MAST2: variants seen among roughly 807,000 people sequenced by gnomAD.
MAST2 encodes the protein microtubule associated serine/threonine kinase 2.
A neutral mutation model predicts 147.4 loss-of-function variants in MAST2; 70 were observed. The ratio of observed to expected loss-of-function variants is 0.47; its 90% confidence interval spans 0.39 to 0.58. The LOEUF is 0.58. MAST2 is among the 20% of genes least tolerant of loss of function. MAST2 has a pLI of 0.00. For missense variants in MAST2, 2,080 were observed against 2,302.3 expected, an observed-to-expected ratio of 0.90 and a Z score of 1.98; for synonymous variants, 869 against 896.8, an observed-to-expected ratio of 0.97 and a Z score of 0.55.
At chr1:45,970,667 CAAAAAA>C (rs754544108) in intron 5 of MAST2, among the ~76,000 whole-genome samples, 7 of 72,398 alleles carry the variant, frequency 9.7e-5, no homozygotes, top group African/African-American at 4.1e-4. Flanking sequence ...GACTCTGTCT[CAAAAAA>C]AAAAAAAAAA....
At chr1:45,938,746 TA>T (rs1300519925) in intron 4 of MAST2, among the ~76,000 whole-genome samples, 1 of 152,258 alleles carries the variant, frequency 6.6e-6, no homozygotes, top group Non-Finnish European at 1.5e-5. Flanking sequence ...TTCTTGATTT[TA>T]ACCATTCTAG....
rs372014407 is a variant in MAST2, at chr1:45,923,445, T to A, written c.501-35941T>A. Among the ~76,000 whole-genome samples, 87 of 152,324 alleles carry A rather than the reference T, an allele frequency of 5.7e-4. 3 individuals carry two copies. In the South Asian group the frequency reaches 0.018, roughly 31 times the overall value. Reference sequence around the variant, plus strand: ...AATAAATTTACAAACTCTGAGCACTTACTAGCTCCCAGGCACTGTTCTTAG... The same window carrying A: ...AATAAATTTACAAACTCTGAGCACTAACTAGCTCCCAGGCACTGTTCTTAG... On this transcript the variant is annotated intron_variant, in intron 4 of 28. Coordinates refer to ENST00000361297, the MANE Select transcript of MAST2 (RefSeq NM_015112.3).
intron 9 of MAST2, 44 bp from the exon 10 acceptor site, chr1:46,010,686 C>T: frequency 6.4e-7 from 1 of 1,562,660 alleles, no homozygotes; most frequent in East Asian, 2.2e-5. Context: ...TCCAACTGAG[C>T]TGGAACTAGA....
intron 10 of MAST2, among the ~76,000 whole-genome samples, chr1:46,017,066 C>A (rs2149266950): frequency 6.6e-6 from 1 of 152,222 alleles, no homozygotes; most frequent in South Asian, 2.1e-4. Context: ...GAAAAATAAG[C>A]AATGGGGAAA....
At chr1:46,024,563 A>AGTGTTTACTGGGTACATGCTGG (rs1553132468) in intron 15 of MAST2, among the ~76,000 whole-genome samples, 1 of 152,152 alleles carries the variant, frequency 6.6e-6, no homozygotes, top group Non-Finnish European at 1.5e-5. Context: ...ACTGTCCTTT[A>AGTGTTTACTGGGTACATGCTGG]GTGTTTACTG....
At chr1:45,993,671 G>A (rs1419461304) in intron 5 of MAST2, among the ~76,000 whole-genome samples, 1 of 152,102 alleles carries the variant, frequency 6.6e-6, no homozygotes, top group Non-Finnish European at 1.5e-5. Context: ...GCAACAAAAT[G>A]AGACTCCATC....
intron 5 of MAST2, among the ~76,000 whole-genome samples, chr1:45,964,284 A>T (rs1423928504): frequency 6.6e-6 from 1 of 152,178 alleles, no homozygotes; most frequent in Non-Finnish European, 1.5e-5. Context: ...TAGTTTCAGA[A>T]GGAATAGTAC....
At chr1:45,912,934 T>C (rs1303577369) in intron 4 of MAST2, among the ~76,000 whole-genome samples, 1 of 152,186 alleles carries the variant, frequency 6.6e-6, no homozygotes, top group African/African-American at 2.4e-5. Flanking sequence ...TTAGGTACCT[T>C]AATGATCTTC....
At chr1:45,960,124 G>A (rs144248298) in intron 5 of MAST2, among the ~76,000 whole-genome samples, 2 of 152,238 alleles carry the variant, frequency 1.3e-5, no homozygotes, top group Non-Finnish European at 2.9e-5. Context: ...TAAAGCAAAT[G>A]ACCTCATGGA....
At chr1:45,809,969 A>AG (rs1265579731) in intron 1 of MAST2, among the ~76,000 whole-genome samples, 2 of 152,246 alleles carry the variant, frequency 1.3e-5, no homozygotes, top group African/African-American at 4.8e-5. Flanking sequence ...GCTGAATGAA[A>AG]GGATGAATCA....
At chr1:45,956,895 T>C (rs1195403610) in intron 4 of MAST2, among the ~76,000 whole-genome samples, 1 of 152,188 alleles carries the variant, frequency 6.6e-6, no homozygotes, top group Non-Finnish European at 1.5e-5. Flanking sequence ...TCTAGTGCTA[T>C]TGAAATAAAT....
intron 4 of MAST2, among the ~76,000 whole-genome samples, chr1:45,939,675 G>T (rs1201998899): frequency 6.6e-6 from 1 of 151,964 alleles, no homozygotes; most frequent in Non-Finnish European, 1.5e-5. Context: ...CAAGCAGTGG[G>T]ACTACAGGCA....
At chr1:46,030,326 AG>A in intron 21 of MAST2, 88 bp downstream of exon 21, 1 of 1,354,084 alleles carries the variant, frequency 7.4e-7, no homozygotes, top group Non-Finnish European at 1.0e-6. Flanking sequence ...GGGCAGGCTC[AG>A]GGAGTTGGGG....
intron 6 of MAST2, among the ~76,000 whole-genome samples, chr1:45,998,432 C>A (rs1645143519): frequency 6.6e-6 from 1 of 152,256 alleles, no homozygotes. Flanking sequence ...GCAACGCTGA[C>A]AGCTCTGCCT....
At chr1:45,887,984 T>C (rs567843913) in intron 4 of MAST2, among the ~76,000 whole-genome samples, 50 of 152,318 alleles carry the variant, frequency 3.3e-4, no homozygotes, top group South Asian at 6.2e-4. Context: ...CAGTTTGTTG[T>C]TAAAAAATGG....
chr1:46,030,599 GC>G lies in MAST2; in HGVS notation c.2554-5del. The G allele has an allele frequency of 1.9e-6, 3 of 1,602,390 alleles. No individual in the cohort carries two copies. Among genetic ancestry groups the G allele is most frequent in the Non-Finnish European group, 2.5e-6 (3 of 1,176,580 alleles). On this transcript the variant is annotated splice_polypyrimidine_tract_variant and splice_region_variant and intron_variant, in intron 21 of 28. Coordinates refer to ENST00000361297, the MANE Select transcript of MAST2 (RefSeq NM_015112.3). ...AGCCCATCCCCAGCGCATCCCCTGT[GC>G]CCACAGGTGTACAGCAGCATGGAGC...
intron 5 of MAST2, among the ~76,000 whole-genome samples, chr1:45,997,340 G>T (rs4073847): frequency 0.34 from 51,525 of 151,950 alleles, 9,112 homozygotes; most frequent in African/African-American, 0.43. Flanking sequence ...TGGATTAGGG[G>T]TCCTGTTGCC....
At chr1:46,018,193 C>G (rs1407064612) in intron 10 of MAST2, among the ~76,000 whole-genome samples, 1 of 152,182 alleles carries the variant, frequency 6.6e-6, no homozygotes, top group African/African-American at 2.4e-5. Flanking sequence ...TGTCACAGGG[C>G]ACCATCCGGC....
rs527332046 is a variant in MAST2 at position 45,824,564 on chromosome 1, G to A, written c.309G>A (p.Leu103=). 1 of 1,600,056 alleles carries A rather than the reference G, an allele frequency of 6.2e-7. No individual in the cohort carries two copies. The highest frequency in any genetic ancestry group is 1.1e-5 in the South Asian group (1 of 88,740). Reference sequence around the variant, plus strand: ...ATTGTAAGTTATGGAGAGGAAACCTGGCCAGCTCTCTATCGGGTAAATATC... The same window carrying A: ...ATTGTAAGTTATGGAGAGGAAACCTAGCCAGCTCTCTATCGGGTAAATATC... ...QDDCKLWRGN[L]ASSLSGKQLL... is the part of the protein sequence containing the mutation. Residue 103 remains leucine, a synonymous_variant, in exon 2 of 29, where the codon CTG becomes CTA. Transcript: ENST00000361297.
Sources: allele counts gnomAD v4.1 joint callset (sites outside exome capture counted in the v4.1 genomes callset), GRCh38; gene constraint gnomAD v4.1.1; transcripts MANE v1.5; gene names NCBI Gene and HGNC (gene_info 2026-07-23, HGNC 2026-07-21).